CFAP61: variants seen among roughly 807,000 people sequenced by gnomAD.
CFAP61 encodes cilia- and flagella-associated protein 61.
Under a neutral mutation model 135.6 loss-of-function variants are expected in CFAP61, and 107 were observed. The ratio of observed to expected loss-of-function variants is 0.79; its 90% confidence interval spans 0.67 to 0.93. CFAP61 has a LOEUF of 0.93. Ranked by LOEUF, CFAP61 falls within the 40% of genes least tolerant of loss-of-function variation. CFAP61 has a pLI of 0.00. For synonymous variants in CFAP61, 575 were observed against 578.5 expected (o/e 0.99, Z 0.09); for missense variants, 1,507 against 1,556.2 (o/e 0.97, Z 0.53).
intron 18 of CFAP61, 78 bp downstream of exon 18, chr20:20,228,454 C>G: frequency 8.0e-7 from 1 of 1,253,316 alleles, no homozygotes; most frequent in Non-Finnish European, 1.1e-6. Flanking sequence ...AGAACACCAT[C>G]AGAGAACAGA....
At chr20:20,142,750 T>C in intron 8 of CFAP61, 107 bp from the exon 9 acceptor site, 7 of 680,312 alleles carry the variant, frequency 1.0e-5, no homozygotes, top group Non-Finnish European at 1.0e-5. Flanking sequence ...TAAAATTCTT[T>C]AGATCCATTG....
At chr20:20,234,270 C>T (rs1390511266) in intron 18 of CFAP61, among the ~76,000 whole-genome samples, 7 of 152,166 alleles carry the variant, frequency 4.6e-5, no homozygotes, top group Non-Finnish European at 1.0e-4. Context: ...CAGAGAGAGG[C>T]AGACAGGAGA....
At chr20:20,134,986 G>A (rs1205213716) in intron 8 of CFAP61, among the ~76,000 whole-genome samples, 1 of 150,656 alleles carries the variant, frequency 6.6e-6, no homozygotes, top group Non-Finnish European at 1.5e-5. Flanking sequence ...TTTTTTGAAA[G>A]GTCTTTGTAG....
At chr20:20,307,843 T>C (rs1213870778) in intron 25 of CFAP61, among the ~76,000 whole-genome samples, 1 of 152,198 alleles carries the variant, frequency 6.6e-6, no homozygotes, top group Non-Finnish European at 1.5e-5. Context: ...GGGCACTTTA[T>C]AGAAAAGGGA....
chr20:20,243,433 T>TC (rs1432025072), intron 18 of CFAP61, among the ~76,000 whole-genome samples: 1 of 137,674 alleles, frequency 7.3e-6, no homozygotes, highest in Non-Finnish European at 1.6e-5. Context: ...GTCCCCCAAG[T>TC]CTTTTTTTTT....
Position 20,098,730 on chromosome 20 carries a change from T to C in CFAP61, c.775T>C (p.Leu259=), listed in dbSNP as rs772340995. 4 of 1,614,084 alleles carry C rather than the reference T, an allele frequency of 2.5e-6. No homozygotes were observed. Among genetic ancestry groups the C allele is most frequent in the Admixed American group, 1.7e-5 (1 of 60,006 alleles). The change falls in exon 8 of 27, where the codon TTG becomes CTG. Residue 259 remains leucine, a synonymous_variant. Transcript: ENST00000245957. ...GCAACTGCTGCATGAGTGCTTTGAC[T>C]TGGGCCCTTTCCACGGACTCTGTTT... ...NMQLLHECFD[L]GPFHGLCFPH...
intron 25 of CFAP61, chr20:20,316,881 GAAAAAAA>G (rs1184407345): frequency 7.6e-6 from 1 of 130,748 alleles, no homozygotes; most frequent in East Asian, 2.7e-4. Context: ...GACTCTGTCT[GAAAAAAA>G]CCAAGGCAGA....
At chr20:20,167,494 G>C (rs1322422571) in intron 12 of CFAP61, among the ~76,000 whole-genome samples, 1 of 152,000 alleles carries the variant, frequency 6.6e-6, no homozygotes, top group Non-Finnish European at 1.5e-5. Flanking sequence ...AAGTAATGCT[G>C]GCTTTAAAAA....
At chr20:20,164,268 CTT>C (rs1334028878) in intron 11 of CFAP61, 40 bp downstream of exon 11, 2 of 1,559,788 alleles carry the variant, frequency 1.3e-6, no homozygotes, top group Non-Finnish European at 1.7e-6. Flanking sequence ...CAGTGAGAAT[CTT>C]TTCTGGCATT....
intron 21 of CFAP61, among the ~76,000 whole-genome samples, chr20:20,263,694 T>C (rs1025015499): frequency 3.3e-5 from 5 of 152,208 alleles, no homozygotes; most frequent in African/African-American, 4.8e-5. Flanking sequence ...TCAAGCATCT[T>C]TCTATTGCTT....
chr20:20,228,490 A>G (rs1263280871), intron 18 of CFAP61, 114 bp downstream of exon 18: 6 of 840,076 alleles, frequency 7.1e-6, no homozygotes, highest in Non-Finnish European at 1.1e-5. Context: ...TACTCCACAC[A>G]CCCTGCCTAT....
At chr20:20,350,625 T>C (rs1359536124) in intron 26 of CFAP61, among the ~76,000 whole-genome samples, 3 of 152,050 alleles carry the variant, frequency 2.0e-5, no homozygotes, top group African/African-American at 4.8e-5. Flanking sequence ...CAAGACTCCA[T>C]CTCAAAAAAA....
At chr20:20,182,597 A>G (rs1005129119) in intron 13 of CFAP61, among the ~76,000 whole-genome samples, 1 of 152,214 alleles carries the variant, frequency 6.6e-6, no homozygotes, top group African/African-American at 2.4e-5. Context: ...AATATTTGTG[A>G]TGGAGTGAAT....
At chr20:20,082,087 C>T (rs1451217202) in intron 6 of CFAP61, among the ~76,000 whole-genome samples, 3 of 152,188 alleles carry the variant, frequency 2.0e-5, no homozygotes, top group Non-Finnish European at 4.4e-5. Flanking sequence ...TCCTTAACAA[C>T]GCTAGAAAAA....
Position 20,233,365 on chromosome 20 carries a change from C to T in CFAP61, c.2060+4989C>T, listed in dbSNP as rs577798673. Among the ~76,000 whole-genome samples, 23 of 152,328 alleles carry T rather than the reference C, an allele frequency of 1.5e-4. 2 individuals carry two copies. The South Asian group carries it at 4.3e-3, about 29-fold the overall frequency. On this transcript the variant is annotated intron_variant, in intron 18 of 26. Coordinates refer to ENST00000245957, the MANE Select transcript of CFAP61 (RefSeq NM_015585.4). ...ACTCCCCGTCCTGTCGGTCTCTGCA[C>T]GTGTGCGCCTCGCAATTGCCCTGTT... is the stretch of plus-strand genomic sequence containing the variant.
At chr20:20,143,084 G>A in intron 9 of CFAP61, 136 bp downstream of exon 9, 2 of 598,722 alleles carry the variant, frequency 3.3e-6, no homozygotes, top group East Asian at 5.8e-5. Flanking sequence ...CTCACTAGCA[G>A]TAAGCACACC....
intron 8 of CFAP61, among the ~76,000 whole-genome samples, chr20:20,116,712 G>A (rs916264554): frequency 4.6e-5 from 7 of 152,024 alleles, no homozygotes; most frequent in African/African-American, 1.4e-4. Flanking sequence ...CTATTAAACT[G>A]TATGTTTGTA....
At chr20:20,346,059 G>T (rs1331561394) in intron 26 of CFAP61, among the ~76,000 whole-genome samples, 1 of 137,186 alleles carries the variant, frequency 7.3e-6, no homozygotes, top group Non-Finnish European at 1.6e-5. Flanking sequence ...CCGCCACCGC[G>T]CCCGGCTAAT....
At position 20,275,446 on chromosome 20, in the gene CFAP61, G is replaced by A. The variant is rs538412896; in HGVS notation, c.2504-1720G>A. Among the ~76,000 whole-genome samples the A allele has an allele frequency of 3.9e-5, 6 of 152,292 alleles. No homozygotes were observed. The East Asian group carries it at 1.2e-3, about 29-fold the overall frequency. ...AAATAAACCTGTAATTTTGAAATCA[G>A]ATATTTTACAAAATGTATTACCTTT... On this transcript the variant is annotated intron_variant, in intron 21 of 26. Transcript: ENST00000245957.
Sources: gnomAD v4.1 joint callset for allele counts (sites outside exome capture counted in the v4.1 genomes callset) on GRCh38, gnomAD v4.1.1 for gene constraint, MANE v1.5 for transcripts, NCBI Gene and HGNC (gene_info 2026-07-23, HGNC 2026-07-21) for gene names.